Variants in SLC35F4 observed in about 807,000 individuals in gnomAD.
SLC35F4 encodes the protein chromosome 14 open reading frame 36.
SLC35F4 carries 24 observed loss-of-function variants against 44.2 expected under a neutral mutation model. The observed-to-expected ratio is 0.54, with a 90% confidence interval of 0.39 to 0.76. The LOEUF (loss-of-function observed/expected upper bound fraction) is 0.76, where lower values mean the gene tolerates loss of function less well. SLC35F4 is among the 30% of genes least tolerant of loss of function. The probability of loss-of-function intolerance (pLI) is 0.00; values close to 1 mark genes in which losing one functional copy is unlikely to be tolerated. For missense variants in SLC35F4, 562 were observed against 586.1 expected (o/e 0.96, Z 0.42); for synonymous variants, 238 against 223.6 (o/e 1.06, Z -0.57).
At chr14:57,845,160 A>G (rs1308088655) in intron 1 of SLC35F4, among the ~76,000 whole-genome samples, 3 of 152,192 alleles carry the variant, frequency 2.0e-5, no homozygotes, top group African/African-American at 7.2e-5. Context: ...CAGGAGGAGG[A>G]AAAATAACTG....
At chr14:57,742,335 T>C (rs1334407370) in intron 1 of SLC35F4, among the ~76,000 whole-genome samples, 5 of 152,274 alleles carry the variant, frequency 3.3e-5, no homozygotes, top group South Asian at 2.1e-4. Context: ...ACACATCTCA[T>C]ATGCAAAGAC....
intron 6 of SLC35F4, among the ~76,000 whole-genome samples, chr14:57,567,597 G>A (rs2068270537): frequency 6.6e-6 from 1 of 152,192 alleles, no homozygotes; most frequent in African/African-American, 2.4e-5. Flanking sequence ...TACAATAGTG[G>A]CAAGCAAGGC....
chr14:57,654,336 T>C (rs2073890000), intron 1 of SLC35F4, among the ~76,000 whole-genome samples: 1 of 152,186 alleles, frequency 6.6e-6, no homozygotes, highest in Non-Finnish European at 1.5e-5. Context: ...AGTGAGAATA[T>C]GCAATATTTG....
intron 1 of SLC35F4, among the ~76,000 whole-genome samples, chr14:57,622,669 T>A (rs1594616787): frequency 6.6e-6 from 1 of 151,546 alleles, no homozygotes; most frequent in African/African-American, 2.4e-5. Flanking sequence ...GGGACTGTTG[T>A]GGGGTTGGGG....
chr14:57,586,708 ACT>A (rs1302426220), intron 3 of SLC35F4, among the ~76,000 whole-genome samples: 5 of 126,700 alleles, frequency 3.9e-5, no homozygotes, highest in East Asian at 2.2e-4. Flanking sequence ...ACAGAGCGAG[ACT>A]CTGTCTCAAA....
At chr14:57,787,177 C>T (rs1003854550) in intron 1 of SLC35F4, among the ~76,000 whole-genome samples, 1 of 152,098 alleles carries the variant, frequency 6.6e-6, no homozygotes, top group Non-Finnish European at 1.5e-5. Flanking sequence ...GAGCTCAAGA[C>T]AAAGTCTTCA....
intron 6 of SLC35F4, among the ~76,000 whole-genome samples, chr14:57,567,311 G>A (rs2068253979): frequency 6.6e-6 from 1 of 152,168 alleles, no homozygotes; most frequent in South Asian, 2.1e-4. Flanking sequence ...TATTCTCATA[G>A]AGTCTACTCA....
At chr14:57,949,280 T>C (rs1890092087) in intron 1 of SLC35F4, among the ~76,000 whole-genome samples, 1 of 152,232 alleles carries the variant, frequency 6.6e-6, no homozygotes, top group Non-Finnish European at 1.5e-5. Flanking sequence ...CTTTATATAA[T>C]GTTCCTCTTT....
intron 1 of SLC35F4, among the ~76,000 whole-genome samples, chr14:57,681,798 A>G (rs963361376): frequency 6.6e-6 from 1 of 152,154 alleles, no homozygotes; most frequent in Admixed American, 6.5e-5. Context: ...AAACAGATTT[A>G]CAAGAAAAAA....
At chr14:57,730,841 C>G (rs1445196368) in intron 1 of SLC35F4, among the ~76,000 whole-genome samples, 1 of 152,040 alleles carries the variant, frequency 6.6e-6, no homozygotes, top group Admixed American at 6.6e-5. Context: ...TGGGTTCAGC[C>G]AACAGATACA....
chr14:57,780,476 TAGAA>T (rs1212329033), intron 1 of SLC35F4, among the ~76,000 whole-genome samples: 3 of 151,852 alleles, frequency 2.0e-5, no homozygotes, highest in Non-Finnish European at 2.9e-5. Context: ...TGCTCACAGA[TAGAA>T]AGAATCAATA....
At chr14:57,865,000 A>G (rs889657950) in intron 1 of SLC35F4, among the ~76,000 whole-genome samples, 1 of 152,084 alleles carries the variant, frequency 6.6e-6, no homozygotes, top group Non-Finnish European at 1.5e-5. Context: ...TAGCTGGAAG[A>G]AAGCGGTGAC....
chr14:57,839,050 G>C (rs954825261), intron 1 of SLC35F4, among the ~76,000 whole-genome samples: 2 of 152,006 alleles, frequency 1.3e-5, no homozygotes, highest in Admixed American at 1.3e-4. Flanking sequence ...GGGGTCTTAA[G>C]GTTAAGTCAT....
At chr14:57,790,499 T>C (rs1346255976) in intron 1 of SLC35F4, among the ~76,000 whole-genome samples, 2 of 151,968 alleles carry the variant, frequency 1.3e-5, no homozygotes, top group Non-Finnish European at 2.9e-5. Flanking sequence ...CACAAACAAA[T>C]AGAAAAACAT....
Position 57,592,962 on chromosome 14 carries a change from G to A in SLC35F4, c.289+977C>T, listed in dbSNP as rs181245906. On this transcript the variant is annotated intron_variant, in intron 2 of 7. Transcript: ENST00000556826. Reference sequence around the variant, plus strand: ...TTAGTATGTTGCCAGCCAAGCTGAAGGAACAAATGGAGAGAAACAAATGGG... The same window carrying A: ...TTAGTATGTTGCCAGCCAAGCTGAAAGAACAAATGGAGAGAAACAAATGGG... Among the ~76,000 whole-genome samples, 400 of 152,212 alleles carry A rather than the reference G, an allele frequency of 2.6e-3. 1 individual carries two copies. Among genetic ancestry groups the A allele is most frequent in the African/African-American group, 8.9e-3 (371 of 41,546 alleles).
intron 1 of SLC35F4, among the ~76,000 whole-genome samples, chr14:57,778,568 G>A (rs889099795): frequency 3.3e-5 from 5 of 151,660 alleles, no homozygotes; most frequent in Non-Finnish European, 5.9e-5. Flanking sequence ...TTAGATCATT[G>A]AGGCAGAAAA....
intron 1 of SLC35F4, among the ~76,000 whole-genome samples, chr14:57,854,717 G>A (rs1249772267): frequency 6.6e-6 from 1 of 152,168 alleles, no homozygotes; most frequent in Non-Finnish European, 1.5e-5. Context: ...ACTGGCTGTC[G>A]ATTTGCCTCA....
At chr14:57,959,904 A>G (rs1027553685) in intron 1 of SLC35F4, among the ~76,000 whole-genome samples, 1 of 152,102 alleles carries the variant, frequency 6.6e-6, no homozygotes, top group Non-Finnish European at 1.5e-5. Flanking sequence ...GTCAGGCAGC[A>G]TTGAAAAATG....
At chr14:57,614,543 A>G (rs2071695202) in intron 1 of SLC35F4, among the ~76,000 whole-genome samples, 1 of 152,256 alleles carries the variant, frequency 6.6e-6, no homozygotes, top group Admixed American at 6.5e-5. Flanking sequence ...AAACAGACAA[A>G]AAGGATGAAC....
Sources: allele counts gnomAD v4.1 joint callset (sites outside exome capture counted in the v4.1 genomes callset), GRCh38; gene constraint gnomAD v4.1.1; transcripts MANE v1.5; gene names NCBI Gene and HGNC (gene_info 2026-07-23, HGNC 2026-07-21).